PDZD2: variants seen among roughly 807,000 people sequenced by gnomAD.
PDZD2 encodes the protein PDZ domain containing 2, also known as PDZ domain-containing protein 2.
PDZD2 carries 90 observed loss-of-function variants against 220.7 expected under a neutral mutation model. The observed-to-expected ratio is 0.41, with a 90% confidence interval of 0.34 to 0.49. PDZD2 has a LOEUF of 0.49. Ranked by LOEUF, PDZD2 falls within the 20% of genes least tolerant of loss-of-function variation. PDZD2 has a pLI of 0.28. For missense variants in PDZD2, 3,174 were observed against 3,608.5 expected (o/e 0.88, Z 3.08); for synonymous variants, 1,375 against 1,450.5 (o/e 0.95, Z 1.18).
intron 1 of PDZD2, among the ~76,000 whole-genome samples, chr5:31,645,319 G>T (rs1745094226): frequency 6.7e-6 from 1 of 150,222 alleles, no homozygotes. Context: ...TTTCAGAGGG[G>T]TTACTCTTGG....
At chr5:31,714,777 G>T (rs944700517) in intron 1 of PDZD2, among the ~76,000 whole-genome samples, 1 of 151,966 alleles carries the variant, frequency 6.6e-6, no homozygotes. Context: ...AAATGCCTGG[G>T]GCCAGGCGCA....
intron 2 of PDZD2, chr5:31,923,504 A>G (rs1744469922): frequency 2.2e-6 from 2 of 926,348 alleles, no homozygotes; most frequent in African/African-American, 3.3e-5. Context: ...GAATGTCTGA[A>G]CCAACTGTTC....
intron 1 of PDZD2, among the ~76,000 whole-genome samples, chr5:31,762,261 A>G (rs1370774001): frequency 2.0e-5 from 3 of 152,104 alleles, no homozygotes. Context: ...AGATACGGGC[A>G]CTTGGTTTTG....
At chr5:31,640,883 AG>A (rs1249098324) in intron 1 of PDZD2, among the ~76,000 whole-genome samples, 2 of 151,032 alleles carry the variant, frequency 1.3e-5, no homozygotes, top group Non-Finnish European at 3.0e-5. Context: ...GTGTAGGAGT[AG>A]GGGGGTGGCA....
chr5:31,849,576 G>A (rs2150294061), intron 2 of PDZD2, among the ~76,000 whole-genome samples: 1 of 152,184 alleles, frequency 6.6e-6, no homozygotes, highest in Middle Eastern at 3.4e-3. Context: ...GGGCGAGGTG[G>A]CTCACGCCTG....
intron 1 of PDZD2, among the ~76,000 whole-genome samples, chr5:31,665,456 G>A (rs1745945392): frequency 1.3e-5 from 2 of 152,124 alleles, no homozygotes; most frequent in Admixed American, 1.3e-4. Context: ...ATTGGGGTTT[G>A]AAAGCTGATA....
At chr5:31,802,933 A>G (rs1754483812) in intron 2 of PDZD2, among the ~76,000 whole-genome samples, 2 of 150,462 alleles carry the variant, frequency 1.3e-5, no homozygotes, top group African/African-American at 4.9e-5. Context: ...AAAAAAAAAA[A>G]AAAAAAAAGA....
chr5:31,818,520 C>A (rs1755616330), intron 2 of PDZD2, among the ~76,000 whole-genome samples: 1 of 152,132 alleles, frequency 6.6e-6, no homozygotes, highest in African/African-American at 2.4e-5. Context: ...CTAGGTCTGA[C>A]CCTTGAGTTC....
chr5:31,924,243 G>A (rs920464402), intron 2 of PDZD2, among the ~76,000 whole-genome samples: 9 of 152,116 alleles, frequency 5.9e-5, no homozygotes, highest in African/African-American at 1.9e-4. Flanking sequence ...CTTGGCTGCC[G>A]TCCTTCCCAG....
intron 1 of PDZD2, among the ~76,000 whole-genome samples, chr5:31,719,141 G>C (rs1748632542): frequency 6.6e-6 from 1 of 152,190 alleles, no homozygotes; most frequent in Non-Finnish European, 1.5e-5. Context: ...GGGTAGCACG[G>C]TGTTAGGAAG....
At chr5:31,935,662 A>G (rs1278370663) in intron 2 of PDZD2, among the ~76,000 whole-genome samples, 1 of 152,248 alleles carries the variant, frequency 6.6e-6, no homozygotes, top group African/African-American at 2.4e-5. Context: ...CTGGCCCTTT[A>G]ATAAGTGCAA....
intron 1 of PDZD2, among the ~76,000 whole-genome samples, chr5:31,662,862 C>T (rs1022093772): frequency 6.6e-6 from 1 of 152,194 alleles, no homozygotes; most frequent in Non-Finnish European, 1.5e-5. Flanking sequence ...GATCTCCTGA[C>T]CTTGTGATCC....
At chr5:31,863,953 G>T (rs1323159187) in intron 2 of PDZD2, among the ~76,000 whole-genome samples, 1 of 152,148 alleles carries the variant, frequency 6.6e-6, no homozygotes, top group African/African-American at 2.4e-5. Context: ...ACTTACAGTT[G>T]TGTATGTGTT....
rs1466530624 is a variant in PDZD2, at chr5:32,108,187, G to GTGAC, written c.*54_*57dup. ...TCTCTTCTTTCTTTAGCAAATCAGA[G>GTGAC]TGACTTCTTTAAACCACAGGTTGTT... On this transcript the variant is annotated 3_prime_UTR_variant, in exon 25 of 25. Coordinates refer to ENST00000438447, the MANE Select transcript of PDZD2 (RefSeq NM_178140.4). The GTGAC allele has an allele frequency of 5.2e-6, 7 of 1,333,440 alleles. No homozygotes were observed. Among genetic ancestry groups the GTGAC allele is most frequent in the African/African-American group, 4.4e-5 (3 of 68,336 alleles). 82.6% of individuals were successfully genotyped at this position (1,333,440 alleles called of 1,614,324 possible).
At chr5:31,791,997 T>C (rs1753757272) in intron 1 of PDZD2, among the ~76,000 whole-genome samples, 1 of 152,216 alleles carries the variant, frequency 6.6e-6, no homozygotes. Context: ...CCTAAAGGAA[T>C]GTTGGTGTAA....
At chr5:31,984,402 A>G (rs1280725300) in intron 3 of PDZD2, among the ~76,000 whole-genome samples, 1 of 152,214 alleles carries the variant, frequency 6.6e-6, no homozygotes, top group Non-Finnish European at 1.5e-5. Flanking sequence ...AGACATGTTC[A>G]TTCCAAGAAT....
At chr5:31,855,226 G>C (rs1326588064) in intron 2 of PDZD2, 4 of 572,220 alleles carry the variant, frequency 7.0e-6, no homozygotes, top group Non-Finnish European at 8.9e-6. Flanking sequence ...TCCAGGTCGG[G>C]TGCAGACTGG....
At chr5:32,051,603 T>TA (rs1447562069) in intron 8 of PDZD2, among the ~76,000 whole-genome samples, 4 of 152,190 alleles carry the variant, frequency 2.6e-5, no homozygotes, top group African/African-American at 7.2e-5. Flanking sequence ...GCTTTGGTGA[T>TA]AGAGTCATTT....
In PDZD2 at chr5:32,027,529, G is replaced by T. The variant is rs561996491; in HGVS notation, c.1408-9702G>T. Reference sequence around the variant, plus strand: ...AGCCACAGCCTGAGCGTCGCAGTGGGCATCAGTTGCGGCTCCCCCCACTCC... The same window carrying T: ...AGCCACAGCCTGAGCGTCGCAGTGGTCATCAGTTGCGGCTCCCCCCACTCC... On this transcript the variant is annotated intron_variant, in intron 6 of 24. Coordinates refer to ENST00000438447, the MANE Select transcript of PDZD2 (RefSeq NM_178140.4). Among the ~76,000 whole-genome samples, 3 of 152,292 alleles carry T rather than the reference G, an allele frequency of 2.0e-5. No individual in the cohort carries two copies. In the East Asian group the frequency reaches 5.8e-4, roughly 29 times the overall value.
Sources: gnomAD v4.1 joint callset for allele counts (sites outside exome capture counted in the v4.1 genomes callset) on GRCh38, gnomAD v4.1.1 for gene constraint, MANE v1.5 for transcripts, NCBI Gene and HGNC (gene_info 2026-07-23, HGNC 2026-07-21) for gene names.